The following MAGI2 variants were observed in gnomAD, a reference collection of about 807,000 sequenced individuals.
MAGI2 encodes membrane associated guanylate kinase, WW and PDZ domain containing 2, also known as membrane-associated guanylate kinase, WW and PDZ domain-containing protein 2.
In MAGI2, 35 loss-of-function variants were observed where a neutral mutation model predicts 133.3. That is an observed-to-expected ratio of 0.26 (90% CI 0.20 to 0.35). The LOEUF (loss-of-function observed/expected upper bound fraction) is 0.35, where lower values mean the gene tolerates loss of function less well. Among genes scored for constraint, MAGI2 ranks in the 10% least tolerant of loss-of-function variants. MAGI2 has a pLI of 1.00. For missense variants in MAGI2, 1,636 were observed against 1,863.4 expected, an observed-to-expected ratio of 0.88 and a Z score of 2.25; for synonymous variants, 729 against 710.6, an observed-to-expected ratio of 1.03 and a Z score of -0.41.
At chr7:79,126,503 T>A (rs766259497) in intron 1 of MAGI2, among the ~76,000 whole-genome samples, 1 of 151,658 alleles carries the variant, frequency 6.6e-6, no homozygotes, top group Admixed American at 6.6e-5. Context: ...GTAAGAGAAG[T>A]AGAGAAAAGT....
chr7:78,636,555 T>C (rs1212638943), intron 2 of MAGI2, among the ~76,000 whole-genome samples: 2 of 152,062 alleles, frequency 1.3e-5, no homozygotes, highest in Admixed American at 6.6e-5. Flanking sequence ...TCCCAGCACT[T>C]TGGGAGGCCG....
chr7:78,850,915 CT>C (rs1281750017), intron 2 of MAGI2, among the ~76,000 whole-genome samples: 1 of 151,864 alleles, frequency 6.6e-6, no homozygotes, highest in Non-Finnish European at 1.5e-5. Flanking sequence ...TCCTCAGTGA[CT>C]TTTTTTAAAG....
intron 6 of MAGI2, among the ~76,000 whole-genome samples, chr7:78,481,895 G>A (rs988469722): frequency 2.6e-5 from 4 of 151,700 alleles, no homozygotes; most frequent in African/African-American, 9.7e-5. Context: ...ATTCATAAAA[G>A]GAAAAATGAT....
chr7:78,876,505 A>G (rs914848460), intron 2 of MAGI2, among the ~76,000 whole-genome samples: 9 of 152,118 alleles, frequency 5.9e-5, no homozygotes, highest in African/African-American at 1.9e-4. Flanking sequence ...AGATTCAAGA[A>G]TTTCAATTAA....
intron 9 of MAGI2, among the ~76,000 whole-genome samples, chr7:78,323,130 G>A (rs1020527187): frequency 6.6e-6 from 1 of 151,306 alleles, no homozygotes; most frequent in Non-Finnish European, 1.5e-5. Flanking sequence ...TTTCCAAAAT[G>A]TTTGTTTAGT....
At chr7:78,764,178 GA>G (rs1464326950) in intron 2 of MAGI2, among the ~76,000 whole-genome samples, 1 of 152,160 alleles carries the variant, frequency 6.6e-6, no homozygotes, top group Non-Finnish European at 1.5e-5. Flanking sequence ...TCAATAAGAT[GA>G]TGCTATATTT....
rs1031916793 is a variant in MAGI2 at position 78,952,786 on chromosome 7, T to G, written c.418+54304A>C. Among the ~76,000 whole-genome samples the G allele has an allele frequency of 2.0e-5, 3 of 152,192 alleles. No homozygotes were observed. The East Asian group carries it at 5.8e-4, about 29-fold the overall frequency. ...TAATGTAAAGTTTCCTTACATGGTT[T>G]GCAAAACATCCTGATATTTTAAAAT... On this transcript the variant is annotated intron_variant, in intron 2 of 21. Coordinates refer to ENST00000354212, the MANE Select transcript of MAGI2 (RefSeq NM_012301.4).
chr7:78,033,180 ATAGAC>A (rs900532320), intron 21 of MAGI2, among the ~76,000 whole-genome samples: 6 of 152,114 alleles, frequency 3.9e-5, no homozygotes, highest in African/African-American at 1.4e-4. Flanking sequence ...CTTTTTGAAG[ATAGAC>A]TAGAGTGGAC....
chr7:78,156,492 G>C (rs1173796519), intron 16 of MAGI2, among the ~76,000 whole-genome samples: 4 of 152,168 alleles, frequency 2.6e-5, no homozygotes, highest in African/African-American at 7.2e-5. Flanking sequence ...CTAGATAGCA[G>C]CAATGACATA....
chr7:78,287,501 G>A (rs1796267047), intron 9 of MAGI2, among the ~76,000 whole-genome samples: 1 of 152,174 alleles, frequency 6.6e-6, no homozygotes, highest in South Asian at 2.1e-4. Context: ...TCTGTGACAC[G>A]AGGTTGGTAC....
intron 6 of MAGI2, among the ~76,000 whole-genome samples, chr7:78,415,406 C>T (rs1294368844): frequency 2.0e-5 from 3 of 151,966 alleles, no homozygotes; most frequent in Non-Finnish European, 4.4e-5. Context: ...GAAATAAAGA[C>T]ATTATCCTAA....
chr7:78,599,661 T>C (rs909025725), intron 3 of MAGI2, among the ~76,000 whole-genome samples: 6 of 152,176 alleles, frequency 3.9e-5, no homozygotes, highest in Admixed American at 6.6e-5. Context: ...AGGTAGTCAT[T>C]TGGAACCTCT....
intron 2 of MAGI2, among the ~76,000 whole-genome samples, chr7:78,662,161 T>A (rs923489672): frequency 1.3e-5 from 2 of 152,186 alleles, no homozygotes; most frequent in Non-Finnish European, 2.9e-5. Context: ...AAAGTAGTCT[T>A]CCTTTTTGTT....
chr7:78,065,101 G>A (rs767987212), intron 21 of MAGI2, among the ~76,000 whole-genome samples: 1 of 152,126 alleles, frequency 6.6e-6, no homozygotes, highest in Non-Finnish European at 1.5e-5. Flanking sequence ...CTGCCACAGA[G>A]CAGGCTGGGA....
intron 9 of MAGI2, among the ~76,000 whole-genome samples, chr7:78,261,382 G>T (rs12532152): frequency 0.17 from 26,494 of 151,922 alleles, 2,768 homozygotes; most frequent in South Asian, 0.29. Context: ...CTCTTCAAAG[G>T]TATCTTCCAT....
At chr7:78,427,825 A>T (rs777725742) in intron 6 of MAGI2, among the ~76,000 whole-genome samples, 1 of 152,156 alleles carries the variant, frequency 6.6e-6, no homozygotes, top group Non-Finnish European at 1.5e-5. Context: ...ATGTTTTTAC[A>T]CAACTTTTGA....
chr7:79,031,176 C>A (rs1403861758), intron 1 of MAGI2, among the ~76,000 whole-genome samples: 1 of 152,112 alleles, frequency 6.6e-6, no homozygotes, highest in East Asian at 1.9e-4. Flanking sequence ...TGATTCATAT[C>A]TCTGCTCAAA....
At chr7:78,689,560 C>T (rs1204020928) in intron 2 of MAGI2, among the ~76,000 whole-genome samples, 1 of 152,094 alleles carries the variant, frequency 6.6e-6, no homozygotes, top group Admixed American at 6.5e-5. Context: ...AGTTTTCTCT[C>T]TGTCTCGCCC....
intron 3 of MAGI2, among the ~76,000 whole-genome samples, chr7:78,570,919 C>A (rs904809310): frequency 2.0e-5 from 3 of 152,060 alleles, no homozygotes; most frequent in Non-Finnish European, 2.9e-5. Flanking sequence ...CTAGCTGTAA[C>A]AATTCAATAT....
Sources: allele counts gnomAD v4.1 joint callset (sites outside exome capture counted in the v4.1 genomes callset), GRCh38; gene constraint gnomAD v4.1.1; transcripts MANE v1.5; gene names NCBI Gene and HGNC (gene_info 2026-07-23, HGNC 2026-07-21).